Variants in ITFG1 observed in about 807,000 individuals in gnomAD.
ITFG1 encodes the protein T-cell immunomodulatory protein.
ITFG1 carries 34 observed loss-of-function variants against 81.8 expected under a neutral mutation model. The observed-to-expected ratio is 0.42, with a 90% CI of 0.32 to 0.55. The LOEUF (loss-of-function observed/expected upper bound fraction) is 0.55, where lower values mean the gene tolerates loss of function less well. Among genes scored for constraint, ITFG1 ranks in the 20% least tolerant of loss-of-function variants. The pLI is 0.17. For synonymous variants in ITFG1, 285 were observed against 270.6 expected, an observed-to-expected ratio of 1.05 and a Z score of -0.52; for missense variants, 672 against 755.4, an observed-to-expected ratio of 0.89 and a Z score of 1.29.
chr16:47,176,625 G>A (rs1358223827), intron 14 of ITFG1, among the ~76,000 whole-genome samples: 1 of 152,114 alleles, frequency 6.6e-6, no homozygotes, highest in Non-Finnish European at 1.5e-5. Flanking sequence ...TCATACATTT[G>A]TTATATTGTC....
At position 47,460,023 on chromosome 16, in the gene ITFG1, G is replaced by C. The variant is rs143273595; in HGVS notation, c.208+815C>G. 3.3e-3 allele frequency among the ~76,000 whole-genome samples: 496 copies of C among 152,274 alleles called. 3 individuals carry two copies. The highest frequency in any genetic ancestry group is 0.011 in the African/African-American group (470 of 41,558). ...TTCTGTAGGTACTCAAGAACCCTAAGACCCCCTAATGCCCACTGTCAGCAT... is the reference window on the plus strand; with the variant it reads ...TTCTGTAGGTACTCAAGAACCCTAACACCCCCTAATGCCCACTGTCAGCAT... On this transcript the variant is annotated intron_variant, in intron 1 of 17. Coordinates refer to ENST00000320640, the MANE Select transcript of ITFG1 (RefSeq NM_030790.5).
intron 8 of ITFG1, among the ~76,000 whole-genome samples, chr16:47,331,279 C>T (rs1022229032): frequency 1.3e-5 from 2 of 151,780 alleles, no homozygotes; most frequent in African/African-American, 4.8e-5. Context: ...TACCCATGGA[C>T]GTAAAGATAG....
At chr16:47,416,727 G>T (rs1968880227) in intron 6 of ITFG1, among the ~76,000 whole-genome samples, 1 of 152,026 alleles carries the variant, frequency 6.6e-6, no homozygotes, top group African/African-American at 2.4e-5. Context: ...TTCCAACATT[G>T]GTGGAAGCCT....
chr16:47,173,579 A>C (rs1199253979), intron 14 of ITFG1, among the ~76,000 whole-genome samples: 1 of 152,212 alleles, frequency 6.6e-6, no homozygotes, highest in Non-Finnish European at 1.5e-5. Context: ...GTCTACCAAA[A>C]GTATCTGTGA....
At chr16:47,458,124 T>A (rs1266201411) in intron 2 of ITFG1, among the ~76,000 whole-genome samples, 1 of 152,248 alleles carries the variant, frequency 6.6e-6, no homozygotes, top group Non-Finnish European at 1.5e-5. Context: ...TTTAAAATAC[T>A]GTTTTCATCA....
intron 8 of ITFG1, among the ~76,000 whole-genome samples, chr16:47,341,460 A>T (rs181808101): frequency 3.9e-4 from 59 of 151,114 alleles, no homozygotes; most frequent in African/African-American, 1.3e-3. Flanking sequence ...AAATAAAAAT[A>T]TAACATACCC....
intron 7 of ITFG1, among the ~76,000 whole-genome samples, chr16:47,374,948 T>C (rs1485139227): frequency 2.0e-5 from 3 of 152,134 alleles, no homozygotes; most frequent in African/African-American, 7.2e-5. Context: ...TTCCATAAGT[T>C]TGTGCTTTAC....
Position 47,326,239 on chromosome 16 carries a change from T to C in ITFG1, c.803-12416A>G, listed in dbSNP as rs1010390230. Among the ~76,000 whole-genome samples the C allele has an allele frequency of 4.6e-5, 7 of 152,302 alleles. No individual in the cohort carries two copies. In the East Asian group the frequency reaches 1.2e-3, roughly 25 times the overall value. On this transcript the variant is annotated intron_variant, in intron 8 of 17. Transcript: ENST00000320640. ...GACAAAAACCACATGATTATCTCAA[T>C]AGATGCAGAAATGGCCTTTGACAAA...
intron 8 of ITFG1, among the ~76,000 whole-genome samples, chr16:47,324,207 C>T (rs191397786): frequency 9.9e-5 from 15 of 152,070 alleles, no homozygotes; most frequent in African/African-American, 3.4e-4. Context: ...AAAGAATTTT[C>T]AACCCAGAAT....
At chr16:47,163,330 T>C (rs1567410831) in intron 14 of ITFG1, among the ~76,000 whole-genome samples, 2 of 152,212 alleles carry the variant, frequency 1.3e-5, no homozygotes, top group African/African-American at 2.4e-5. Context: ...ATGTAATCAC[T>C]AATCTGCTTT....
intron 6 of ITFG1, among the ~76,000 whole-genome samples, chr16:47,389,334 C>T (rs914887390): frequency 3.9e-5 from 6 of 152,014 alleles, no homozygotes; most frequent in Non-Finnish European, 8.8e-5. Flanking sequence ...AAAAATGCAA[C>T]TGTAATAAAA....
rs565915771 is a variant in ITFG1, at chr16:47,184,607, C to A, written c.1454-21943G>T. Among the ~76,000 whole-genome samples, 7 of 151,978 alleles carry A rather than the reference C, an allele frequency of 4.6e-5. No individual in the cohort carries two copies. The South Asian group carries it at 1.5e-3, about 32-fold the overall frequency. Reference sequence around the variant, plus strand: ...AGATTTTGTCACCACCAGGCCTGCCCTAAAAGAGCTCCTGAAGGAAGCGCT... The same window carrying A: ...AGATTTTGTCACCACCAGGCCTGCCATAAAAGAGCTCCTGAAGGAAGCGCT... On this transcript the variant is annotated intron_variant, in intron 14 of 17. Coordinates refer to ENST00000320640, the MANE Select transcript of ITFG1 (RefSeq NM_030790.5).
chr16:47,431,582 T>C (rs1355806044), intron 5 of ITFG1, among the ~76,000 whole-genome samples: 3 of 152,182 alleles, frequency 2.0e-5, no homozygotes, highest in Non-Finnish European at 4.4e-5. Flanking sequence ...TTTGCAGTTA[T>C]AAAATGGTGT....
intron 7 of ITFG1, among the ~76,000 whole-genome samples, chr16:47,369,936 TCA>T (rs1968229486): frequency 6.8e-6 from 1 of 147,364 alleles, no homozygotes; most frequent in Non-Finnish European, 1.5e-5. Context: ...CTTCCCGGGT[TCA>T]CGCCATTCTC....
intron 14 of ITFG1, among the ~76,000 whole-genome samples, chr16:47,205,978 G>T (rs1186289705): frequency 6.6e-6 from 1 of 151,904 alleles, no homozygotes; most frequent in African/African-American, 2.4e-5. Context: ...CTACTCTCCT[G>T]CCTCAGCCCC....
At chr16:47,249,268 A>T (rs534014336) in intron 12 of ITFG1, among the ~76,000 whole-genome samples, 29 of 152,032 alleles carry the variant, frequency 1.9e-4, no homozygotes, top group Non-Finnish European at 3.1e-4. Flanking sequence ...AAAATACAAA[A>T]ATTAGCTGAG....
intron 6 of ITFG1, among the ~76,000 whole-genome samples, chr16:47,413,261 CT>C (rs1275847819): frequency 3.3e-5 from 5 of 152,184 alleles, no homozygotes; most frequent in Non-Finnish European, 4.4e-5. Context: ...CCAAACAAAA[CT>C]TCTTCTAAGC....
At position 47,230,000 on chromosome 16, in the gene ITFG1, A is replaced by C. The variant is rs62060611; in HGVS notation, c.1374+7965T>G. Among the ~76,000 whole-genome samples the C allele has an allele frequency of 5.5e-3, 831 of 152,336 alleles. 6 individuals carry two copies. Among genetic ancestry groups the C allele is most frequent in the Admixed American group, 8.7e-3 (133 of 15,296 alleles). ...TTTATTATCAGTTATTGTTGTTATT[A>C]ATCTCTTACTGTGCCTAATTTCTGA... On this transcript the variant is annotated intron_variant, in intron 13 of 17. Coordinates refer to ENST00000320640, the MANE Select transcript of ITFG1 (RefSeq NM_030790.5).
At position 47,396,524 on chromosome 16, in the gene ITFG1, T is replaced by TGTGTGTGTGTGTGTGTGTGTG. The variant is rs1555514103; in HGVS notation, c.656-20585_656-20584insCACACACACACACACACACAC. ...ACAGTCTCCTAACCTAATAATTATTTTGTGTGTGTGTGTGTGTGTGAAAGA... is the reference window on the plus strand; with the variant it reads ...ACAGTCTCCTAACCTAATAATTATTTGTGTGTGTGTGTGTGTGTGTGTGTGTGTGTGTGTGTGTGTGAAAGA... On this transcript the variant is annotated intron_variant, in intron 6 of 17. Transcript: ENST00000320640. Among the ~76,000 whole-genome samples the TGTGTGTGTGTGTGTGTGTGTG allele has an allele frequency of 3.0e-3, 453 of 149,192 alleles. 8 individuals carry two copies. Among genetic ancestry groups the TGTGTGTGTGTGTGTGTGTGTG allele is most frequent in the African/African-American group, 0.01 (415 of 40,270 alleles).
Sources: allele counts gnomAD v4.1 joint callset (sites outside exome capture counted in the v4.1 genomes callset), GRCh38; gene constraint gnomAD v4.1.1; transcripts MANE v1.5; gene names NCBI Gene and HGNC (gene_info 2026-07-23, HGNC 2026-07-21).